Variants in USP34 observed in about 807,000 individuals in gnomAD.
USP34 encodes ubiquitin carboxyl-terminal hydrolase 34.
Under a neutral mutation model 460.3 loss-of-function variants are expected in USP34, and 70 were observed. The ratio of observed to expected loss-of-function variants is 0.15; its 90% CI spans 0.13 to 0.19. USP34 has a LOEUF of 0.19. Among genes scored for constraint, USP34 ranks in the 10% least tolerant of loss-of-function variants. The pLI is 1.00. For missense variants in USP34, 3,985 were observed against 4,236.2 expected (o/e 0.94, Z 1.65); for synonymous variants, 1,647 against 1,405.3 (o/e 1.17, Z -3.85).
At chr2:61,414,598 G>A (rs964041584) in intron 2 of USP34, among the ~76,000 whole-genome samples, 3 of 152,188 alleles carry the variant, frequency 2.0e-5, no homozygotes, top group Admixed American at 1.3e-4. Flanking sequence ...CAGTGGAGGC[G>A]CCCAGGTTCT....
chr2:61,205,418 C>A (rs918720529), intron 72 of USP34, among the ~76,000 whole-genome samples: 3 of 152,018 alleles, frequency 2.0e-5, no homozygotes, highest in African/African-American at 4.8e-5. Context: ...TTGCACAGAA[C>A]GTCAAGACGG....
At chr2:61,223,766 T>C (rs193241878) in intron 62 of USP34, 2 of 156,278 alleles carry the variant, frequency 1.3e-5, no homozygotes, top group Admixed American at 1.3e-4. Flanking sequence ...CTTGAATTAC[T>C]AGGCTCAGGG....
chr2:61,230,481 G>A (rs1262735242), intron 58 of USP34, among the ~76,000 whole-genome samples: 1 of 152,006 alleles, frequency 6.6e-6, no homozygotes, highest in African/African-American at 2.4e-5. Flanking sequence ...ACGTGATCAC[G>A]CCATTGCACT....
chr2:61,302,668 A>G (rs1690265755), intron 27 of USP34, among the ~76,000 whole-genome samples: 1 of 152,222 alleles, frequency 6.6e-6, no homozygotes, highest in African/African-American at 2.4e-5. Flanking sequence ...TATATGACTA[A>G]TTTTCAGTAT....
chr2:61,190,356 G>A lies in USP34; in HGVS notation c.9788C>T (p.Thr3263Ile). 1 of 1,613,718 alleles carries A rather than the reference G, an allele frequency of 6.2e-7. No homozygotes were observed. Among genetic ancestry groups the A allele is most frequent in the Non-Finnish European group, 8.5e-7 (1 of 1,179,910 alleles). The change falls in exon 78 of 80, where the codon ACA becomes ATA. Residue 3263 changes from threonine (T) to isoleucine (I), a missense_variant. Physicochemically the swap from Thr to Ile is moderately conservative, Grantham distance 89. This residue lies in a region of USP34 where 506 missense variants were observed against 439.0 expected (regional missense o/e 1.15). Coordinates refer to ENST00000398571, the MANE Select transcript of USP34 (RefSeq NM_014709.4). ...GTTCTGATACTGGCTTATCAAGTTT[G>A]TAATAAGAGTGCTGATCAAATTGGC... ...NCANLISTLITNLISQYQNLQ... is the reference protein window; with the variant it reads ...NCANLISTLIINLISQYQNLQ...
At position 61,333,975 on chromosome 2, in the gene USP34, A is replaced by T. The variant is rs752953177; in HGVS notation, c.2745-4T>A. The T allele has an allele frequency of 6.5e-7, 1 of 1,542,000 alleles. No individual in the cohort carries two copies. Among genetic ancestry groups the T allele is most frequent in the Non-Finnish European group, 8.7e-7 (1 of 1,145,936 alleles). The stretch of plus-strand genomic sequence containing the variant: ...ACGAAGTGAAATTACTACTGATCTG[A>T]AACAGCAGAAACATTCACAAAATAA... On this transcript the variant is annotated splice_polypyrimidine_tract_variant and splice_region_variant and intron_variant, in intron 18 of 79. Coordinates refer to ENST00000398571, the MANE Select transcript of USP34 (RefSeq NM_014709.4).
In USP34 at chr2:61,407,329, C is replaced by T. The variant is rs538287309; in HGVS notation, c.132-1201G>A. Among the ~76,000 whole-genome samples, 3 of 152,292 alleles carry T rather than the reference C, an allele frequency of 2.0e-5. No homozygotes were observed. In the South Asian group the frequency reaches 6.2e-4, roughly 32 times the overall value. ...GGCTGAGACAGCAGTGAACCCTGAT[C>T]ATGCCTGAGTGACAGAGCAAAACCA... On this transcript the variant is annotated intron_variant, in intron 2 of 79. Transcript: ENST00000398571.
At chr2:61,321,318 A>G (rs560899812) in intron 21 of USP34, among the ~76,000 whole-genome samples, 2 of 152,112 alleles carry the variant, frequency 1.3e-5, no homozygotes, top group South Asian at 4.2e-4. Context: ...TAAAAATACA[A>G]AAATTAGCTG....
rs151221777 is a variant in USP34 at position 61,263,705 on chromosome 2, A to C, written c.5778+1692T>G. Among the ~76,000 whole-genome samples the C allele has an allele frequency of 6.5e-3, 954 of 147,796 alleles. 10 individuals carry two copies. The highest frequency in any genetic ancestry group is 0.022 in the African/African-American group (875 of 39,906). ...CACCATGTTGGCCAGCATGGTCTTG[A>C]TCTCCTAACCTCGTGATCCACCGAC... is the stretch of plus-strand genomic sequence containing the variant. On this transcript the variant is annotated intron_variant, in intron 43 of 79. Transcript: ENST00000398571.
At position 61,288,799 on chromosome 2, in the gene USP34, A is replaced by G; in HGVS notation, c.4627T>C (p.Tyr1543His). Reference protein sequence around the residue: ...AVDPSDLDLAYHDVFAWSGIA... With the variant: ...AVDPSDLDLAHHDVFAWSGIA... The stretch of plus-strand genomic sequence containing the variant: ...CCAGACCAGGCAAAGACATCATGAT[A>G]AGCTAAATCCAAATCGGATGGATCT... Residue 1543 changes from tyrosine (Y) to histidine (H), a missense_variant, in exon 34 of 80, where the codon TAT becomes CAT. Physicochemically the swap from Tyr to His is moderately conservative, Grantham distance 83. Coordinates refer to ENST00000398571, the MANE Select transcript of USP34 (RefSeq NM_014709.4). The G allele has an allele frequency of 1.9e-6, 3 of 1,614,028 alleles. No individual in the cohort carries two copies. The highest frequency in any genetic ancestry group is 2.5e-6 in the Non-Finnish European group (3 of 1,179,956).
chr2:61,246,898 G>A (rs1412881538), intron 49 of USP34, among the ~76,000 whole-genome samples: 4 of 151,896 alleles, frequency 2.6e-5, no homozygotes, highest in African/African-American at 4.8e-5. Context: ...TCTTTACTAG[G>A]AGCAGACAAA....
At position 61,314,640 on chromosome 2, in the gene USP34, C is replaced by T. The variant is rs554391527; in HGVS notation, c.3487G>A (p.Val1163Ile). 6.3e-6 allele frequency: 10 copies of T among 1,599,186 alleles called. No homozygotes were observed. The highest frequency in any genetic ancestry group is 7.7e-6 in the Non-Finnish European group (9 of 1,175,324). ...LEQESHSSLM[V>I]IERGLLMLKT... ...AGCATAAGGAGTCCTCTTTCTATAA[C>T]CATGAGACTTGAGTGTGATTCCTGT... The change falls in exon 25 of 80, where the codon GTT becomes ATT. Residue 1163 changes from valine (V) to isoleucine (I), a missense_variant. Transcript: ENST00000398571.
At chr2:61,315,997 C>T (rs1204739313) in intron 23 of USP34, among the ~76,000 whole-genome samples, 4 of 147,758 alleles carry the variant, frequency 2.7e-5, no homozygotes, top group Non-Finnish European at 5.9e-5. Context: ...CTCAGGAGTT[C>T]GAGACCAGCC....
chr2:61,385,835 C>G (rs529732852), intron 5 of USP34, among the ~76,000 whole-genome samples: 1 of 150,490 alleles, frequency 6.6e-6, no homozygotes, highest in African/African-American at 2.4e-5. Context: ...CTACTGAAAA[C>G]ACAAAAACAA....
At position 61,214,551 on chromosome 2, in the gene USP34, G is replaced by T. The variant is rs1200002738; in HGVS notation, c.8191C>A (p.Leu2731Ile). ...TTGGCTCTTGAGAGCAAACCAAGGAGCACGTTGTAGACCTGATGTAGGACT... is the reference window on the plus strand; with the variant it reads ...TTGGCTCTTGAGAGCAAACCAAGGATCACGTTGTAGACCTGATGTAGGACT... ...TVVLHQVYNV[L>I]LGLLSRAKLY... Residue 2731 changes from leucine to isoleucine, a missense_variant, in exon 68 of 80, where the codon CTC becomes ATC. Around this residue, in one of 14 missense-constraint regions of USP34, gnomAD observed 604 missense variants for 684.8 expected, o/e 0.88. Transcript: ENST00000398571. 1 of 1,613,696 alleles carries T rather than the reference G, an allele frequency of 6.2e-7. No homozygotes were observed. The highest frequency in any genetic ancestry group is 2.2e-5 in the East Asian group (1 of 44,880).
intron 23 of USP34, among the ~76,000 whole-genome samples, chr2:61,317,390 G>C (rs1022783128): frequency 3.3e-5 from 5 of 152,136 alleles, no homozygotes; most frequent in African/African-American, 1.2e-4. Context: ...AGCCAGGCAT[G>C]GTGGCAAATG....
Position 61,348,803 on chromosome 2 carries a change from G to A in USP34, c.1627C>T (p.Leu543Phe). 1 of 1,613,840 alleles carries A rather than the reference G, an allele frequency of 6.2e-7. No homozygotes were observed. Among genetic ancestry groups the A allele is most frequent in the South Asian group, 1.1e-5 (1 of 91,048 alleles). ...TGCACATGTTTGGTTCTATTAATAA[G>A]TTGCTCATCCATTTCAATGTCACTA... The part of the protein sequence containing the change: ...GGSDIEMDEQ[L>F]INRTKHVQQR... The change falls in exon 14 of 80, where the codon CTT (leucine) becomes TTT (phenylalanine). Residue 543 changes from leucine (L) to phenylalanine (F), a missense_variant. Leu to Phe is a conservative substitution (Grantham distance 22). This residue lies in a region of USP34 where 716 missense variants were observed against 626.2 expected (regional missense o/e 1.14). Transcript: ENST00000398571.
At chr2:61,250,898 G>A (rs1246049457) in intron 48 of USP34, among the ~76,000 whole-genome samples, 1 of 152,174 alleles carries the variant, frequency 6.6e-6, no homozygotes, top group Non-Finnish European at 1.5e-5. Flanking sequence ...CAGCACTTTG[G>A]GAGGCTGGAG....
Position 61,257,039 on chromosome 2 carries a change from G to C in USP34, c.6048+13C>G. 1.3e-6 allele frequency: 2 copies of C among 1,543,252 alleles called. No individual in the cohort carries two copies. The highest frequency in any genetic ancestry group is 1.7e-6 in the Non-Finnish European group (2 of 1,147,936). On this transcript the variant is annotated intron_variant, in intron 46 of 79. Transcript: ENST00000398571. ...AAGATCTCCAAAAAGTAAAAACCAG[G>C]TATAATACTTACCAAGGATACAACA...
Sources: gnomAD v4.1 joint callset for allele counts (sites outside exome capture counted in the v4.1 genomes callset) on GRCh38, gnomAD v4.1.1 for gene constraint, gnomAD v4.1.1 regional missense constraint, MANE v1.5 for transcripts, NCBI Gene and HGNC (gene_info 2026-07-23, HGNC 2026-07-21) for gene names.